The following UTRN variants were observed in gnomAD, a reference collection of about 807,000 sequenced individuals.
UTRN encodes the protein dystrophin-related protein 1.
In UTRN, 283 loss-of-function variants were observed where a neutral mutation model predicts 463.9. That is an observed-to-expected ratio of 0.61 (90% confidence interval 0.55 to 0.67). The LOEUF (loss-of-function observed/expected upper bound fraction) is 0.67, where lower values mean the gene tolerates loss of function less well. Among genes scored for constraint, UTRN ranks in the 30% least tolerant of loss-of-function variants. UTRN has a pLI of 0.00. For synonymous variants in UTRN, 1,442 were observed against 1,431.5 expected (o/e 1.01, Z -0.17); for missense variants, 3,922 against 4,084.3 (o/e 0.96, Z 1.08).
chr6:144,789,109 C>A, intron 61 of UTRN, 85 bp from the exon 62 acceptor site: 2 of 1,085,840 alleles, frequency 1.8e-6, no homozygotes, highest in Non-Finnish European at 2.7e-6. Context: ...TGGTTTACCC[C>A]CAAGAAAATA....
Position 144,819,912 on chromosome 6 carries a change from C to CTCCTG in UTRN, c.9358-968_9358-967insCTGTC, listed in dbSNP as rs1554406091. Among the ~76,000 whole-genome samples the CTCCTG allele has an allele frequency of 1.1e-4, 6 of 54,042 alleles. No homozygotes were observed. In the South Asian group the frequency reaches 3.3e-3, roughly 30 times the overall value. 35.5% of individuals were successfully genotyped at this position (54,042 alleles called of 152,430 possible). A position where few individuals can be genotyped will look rare whatever the true frequency, so the allele number is the denominator to read the frequency against. On this transcript the variant is annotated intron_variant, in intron 65 of 74. Transcript: ENST00000367545. Reference sequence around the variant, plus strand: ...CCTCCTCCTCCTCCTCCTCCTCCTCCTCTCTCTCTCTCTCTCTCTCTTTCT... The same window carrying CTCCTG: ...CCTCCTCCTCCTCCTCCTCCTCCTCCTCCTGTCTCTCTCTCTCTCTCTCTCTTTCT...
At position 144,835,866 on chromosome 6, in the gene UTRN, T is replaced by G. The variant is rs376485714; in HGVS notation, c.9752T>G (p.Ile3251Ser). Residue 3251 changes from isoleucine to serine, a missense_variant, in exon 70 of 75, where the codon ATC becomes AGC. Physicochemically the swap from Ile to Ser is moderately radical, Grantham distance 142. This residue lies in a region of UTRN where 1,309 missense variants were observed against 1,452.6 expected (regional missense o/e 0.90). Coordinates refer to ENST00000367545, the MANE Select transcript of UTRN (RefSeq NM_007124.3). Reference sequence around the variant, plus strand: ...AGCCAGCCGCAGAGCCCAGCTCAGATCCTGAAGTCAGTAGAGAGGGAAGAA... The same window carrying G: ...AGCCAGCCGCAGAGCCCAGCTCAGAGCCTGAAGTCAGTAGAGAGGGAAGAA... ...PVSQPQSPAQ[I>S]LKSVEREERG... The G allele has an allele frequency of 2.6e-5, 42 of 1,613,994 alleles. No individual in the cohort carries two copies. The highest frequency in any genetic ancestry group is 3.5e-5 in the Non-Finnish European group (41 of 1,179,984).
At chr6:144,342,342 T>TACACACACAC (rs55809792) in intron 2 of UTRN, among the ~76,000 whole-genome samples, 1 of 138,246 alleles carries the variant, frequency 7.2e-6, no homozygotes, top group African/African-American at 2.5e-5. Flanking sequence ...GGTACACACA[T>TACACACACAC]ACACACACAC....
At chr6:144,372,151 T>C (rs1483954554) in intron 2 of UTRN, among the ~76,000 whole-genome samples, 2 of 152,266 alleles carry the variant, frequency 1.3e-5, no homozygotes, top group Non-Finnish European at 2.9e-5. Flanking sequence ...AGTAATACTG[T>C]TTCTTTTTAA....
At chr6:144,346,822 A>T (rs987715047) in intron 2 of UTRN, among the ~76,000 whole-genome samples, 2 of 149,052 alleles carry the variant, frequency 1.3e-5, no homozygotes, top group East Asian at 2.2e-4. Flanking sequence ...GACTCTGTTT[A>T]AAAAAAAAAT....
intron 50 of UTRN, among the ~76,000 whole-genome samples, chr6:144,563,722 A>G (rs1800136911): frequency 6.6e-6 from 1 of 152,182 alleles, no homozygotes; most frequent in Admixed American, 6.5e-5. Context: ...CCAAGCTGGG[A>G]ATAAAGCTGG....
intron 51 of UTRN, among the ~76,000 whole-genome samples, chr6:144,589,943 C>G (rs1031309894): frequency 2.0e-5 from 3 of 151,936 alleles, no homozygotes; most frequent in Admixed American, 6.6e-5. Context: ...CCTTGACCTC[C>G]TGGGCTCAAG....
intron 2 of UTRN, among the ~76,000 whole-genome samples, chr6:144,302,508 T>TAAAAAAAAAAAAAAAAA (rs1805373865): frequency 9.6e-6 from 1 of 104,710 alleles, no homozygotes; most frequent in African/African-American, 6.5e-5. Flanking sequence ...AGACTCTGTC[T>TAAAAAAAAAAAAAAAAA]CAAAAAAAAA....
rs775684054 is a variant in UTRN at position 144,491,051 on chromosome 6, T to A, written c.4386T>A (p.Asp1462Glu). The change falls in exon 32 of 75, where the codon GAT becomes GAA. Residue 1462 changes from aspartate to glutamate, a missense_variant. By Grantham distance (45) the Asp-to-Glu change is conservative. Coordinates refer to ENST00000367545, the MANE Select transcript of UTRN (RefSeq NM_007124.3). ...TGAAAGCAGAACTTCACGTTCTGGA[T>A]GTGAAGGACGTAGACCCTGACGTCA... ...DGVKAELHVL[D>E]VKDVDPDVIQ... 1 of 1,613,994 alleles carries A rather than the reference T, an allele frequency of 6.2e-7. No individual in the cohort carries two copies. Among genetic ancestry groups the A allele is most frequent in the African/African-American group, 1.3e-5 (1 of 75,034 alleles).
At chr6:144,469,237 G>C (rs1295234598) in intron 23 of UTRN, among the ~76,000 whole-genome samples, 1 of 152,182 alleles carries the variant, frequency 6.6e-6, no homozygotes, top group East Asian at 1.9e-4. Flanking sequence ...GCTCATCCTG[G>C]CTGTTCATTC....
At chr6:144,846,931 A>G in intron 74 of UTRN, 104 bp downstream of exon 74, 13 of 1,473,652 alleles carry the variant, frequency 8.8e-6, no homozygotes, top group Non-Finnish European at 1.2e-5. Context: ...CATGTAAATA[A>G]GTAAACTTAC....
At chr6:144,515,469 A>T (rs35866755) in intron 37 of UTRN, among the ~76,000 whole-genome samples, 31,723 of 151,870 alleles carry the variant, frequency 0.21, 3,510 homozygotes, top group African/African-American at 0.27. Context: ...TGCACACACC[A>T]CAGAACTTGT....
Position 144,525,108 on chromosome 6 carries a change from G to A in UTRN, c.5906+1920G>A, listed in dbSNP as rs140787185. 2.7e-3 allele frequency among the ~76,000 whole-genome samples: 404 copies of A among 152,130 alleles called. 2 individuals are homozygous for A. Among genetic ancestry groups the A allele is most frequent in the Middle Eastern group, 0.017 (5 of 294 alleles). On this transcript the variant is annotated intron_variant, in intron 41 of 74. Transcript: ENST00000367545. ...ATTCAGTTAGCTAGTATTTTGTTGAGGATTTTTGCATCTATATCAGGGATT... is the reference window on the plus strand; with the variant it reads ...ATTCAGTTAGCTAGTATTTTGTTGAAGATTTTTGCATCTATATCAGGGATT...
intron 23 of UTRN, among the ~76,000 whole-genome samples, chr6:144,473,029 G>C (rs1790827658): frequency 6.6e-6 from 1 of 152,094 alleles, no homozygotes; most frequent in African/African-American, 2.4e-5. Flanking sequence ...GCCTCCTAAA[G>C]TGCTGGGATT....
At chr6:144,497,092 A>T (rs1248316698) in intron 33 of UTRN, among the ~76,000 whole-genome samples, 4 of 152,216 alleles carry the variant, frequency 2.6e-5, no homozygotes, top group African/African-American at 9.6e-5. Context: ...TAGGCAAATT[A>T]CATACTCAGA....
intron 50 of UTRN, among the ~76,000 whole-genome samples, chr6:144,557,565 A>G (rs1419475061): frequency 6.6e-6 from 1 of 151,904 alleles, no homozygotes; most frequent in Non-Finnish European, 1.5e-5. Context: ...CTTGCCAATG[A>G]TTATGTGTTC....
At position 144,384,099 on chromosome 6, in the gene UTRN, C is replaced by T. The variant is rs78339338; in HGVS notation, c.80-19024C>T. On this transcript the variant is annotated intron_variant, in intron 2 of 74. Coordinates refer to ENST00000367545, the MANE Select transcript of UTRN (RefSeq NM_007124.3). The stretch of plus-strand genomic sequence containing the variant: ...GATAACATAAAATTTATTATTTTAG[C>T]CATTTGAAATGTACATACATCTTGT... Among the ~76,000 whole-genome samples the T allele has an allele frequency of 7.8e-4, 118 of 152,068 alleles. 1 individual carries two copies. The East Asian group carries it at 0.021, about 27-fold the overall frequency.
At chr6:144,714,456 G>A (rs951235598) in intron 53 of UTRN, among the ~76,000 whole-genome samples, 2 of 152,130 alleles carry the variant, frequency 1.3e-5, no homozygotes, top group Non-Finnish European at 2.9e-5. Flanking sequence ...TTATAATTCA[G>A]CTACCCTGCA....
chr6:144,821,534 C>T (rs1049299218), intron 66 of UTRN, among the ~76,000 whole-genome samples: 10 of 151,566 alleles, frequency 6.6e-5, no homozygotes, highest in African/African-American at 2.2e-4. Context: ...AAAATGAAGA[C>T]AGCAAACTGA....
Sources: gnomAD v4.1 joint callset for allele counts (sites outside exome capture counted in the v4.1 genomes callset) on GRCh38, gnomAD v4.1.1 for gene constraint, gnomAD v4.1.1 regional missense constraint, MANE v1.5 for transcripts, NCBI Gene and HGNC (gene_info 2026-07-23, HGNC 2026-07-21) for gene names.